Variants in FHIT observed in about 807,000 individuals in gnomAD.
FHIT encodes the protein bis(5'-adenosyl)-triphosphatase.
Under a neutral mutation model 17.9 loss-of-function variants are expected in FHIT, and 19 were observed. That is an observed-to-expected ratio of 1.06 (90% confidence interval 0.74 to 1.56). FHIT has a LOEUF of 1.56. Ranked by LOEUF, FHIT falls within the 40% of genes most tolerant of loss-of-function variation. FHIT has a pLI of 0.00. For synonymous variants in FHIT, 81 were observed against 69.7 expected, an observed-to-expected ratio of 1.16 and a Z score of -0.81; for missense variants, 248 against 189.2, an observed-to-expected ratio of 1.31 and a Z score of -1.82.
chr3:60,577,517 G>A lies in FHIT; in HGVS notation c.-17-40538C>T, dbSNP rs114988111. Among the ~76,000 whole-genome samples the A allele has an allele frequency of 5.4e-3, 821 of 152,264 alleles. 2 individuals carry two copies. Among genetic ancestry groups the A allele is most frequent in the Non-Finnish European group, 8.5e-3 (580 of 68,006 alleles). On this transcript the variant is annotated intron_variant, in intron 4 of 9. Transcript: ENST00000492590. ...TGGTAATAGACCTCTTAACGAAAAC[G>A]TAGTCAATGGTTCATTTAATTTGAT...
chr3:59,820,475 T>C (rs1700749435), intron 8 of FHIT, among the ~76,000 whole-genome samples: 1 of 152,158 alleles, frequency 6.6e-6, no homozygotes, highest in Non-Finnish European at 1.5e-5. Context: ...GATGTGTAGG[T>C]GAGAAAAATG....
chr3:60,723,632 C>A (rs949565165), intron 4 of FHIT, among the ~76,000 whole-genome samples: 1 of 152,208 alleles, frequency 6.6e-6, no homozygotes, highest in East Asian at 1.9e-4. Flanking sequence ...GACTCTTGGA[C>A]GCTTACTCCT....
chr3:60,736,252 G>A lies in FHIT; in HGVS notation c.-18+85667C>T, dbSNP rs942473112. The stretch of plus-strand genomic sequence containing the variant: ...GCAGTTCCTTAAAAAGTTAAACATA[G>A]AGTTACCGTGTGACCCAGCAAGTCT... On this transcript the variant is annotated intron_variant, in intron 4 of 9. Coordinates refer to ENST00000492590, the MANE Select transcript of FHIT (RefSeq NM_002012.4). 3.9e-5 allele frequency among the ~76,000 whole-genome samples: 6 copies of A among 152,164 alleles called. No homozygotes were observed. The South Asian group carries it at 1.0e-3, about 26-fold the overall frequency.
intron 8 of FHIT, among the ~76,000 whole-genome samples, chr3:59,773,781 C>T (rs1442513679): frequency 6.6e-6 from 1 of 152,050 alleles, no homozygotes; most frequent in Non-Finnish European, 1.5e-5. Flanking sequence ...CCAAATGATT[C>T]CTCAATACTT....
intron 5 of FHIT, among the ~76,000 whole-genome samples, chr3:60,150,961 T>G (rs1019763124): frequency 6.6e-6 from 1 of 151,802 alleles, no homozygotes; most frequent in African/African-American, 2.4e-5. Flanking sequence ...CAGCATGAAC[T>G]GAAATTTACT....
chr3:60,229,343 G>A (rs1015962544), intron 5 of FHIT, among the ~76,000 whole-genome samples: 15 of 151,930 alleles, frequency 9.9e-5, no homozygotes, highest in African/African-American at 3.6e-4. Context: ...CTTGAACCAG[G>A]GAGGCGGAGG....
chr3:59,929,530 C>T (rs943658880), intron 7 of FHIT, among the ~76,000 whole-genome samples: 19 of 151,816 alleles, frequency 1.3e-4, no homozygotes, highest in African/African-American at 4.3e-4. Flanking sequence ...GCCACTATGC[C>T]CGGCTAATTT....
intron 5 of FHIT, among the ~76,000 whole-genome samples, chr3:60,193,438 A>T (rs1040304521): frequency 6.6e-6 from 1 of 152,208 alleles, no homozygotes; most frequent in African/African-American, 2.4e-5. Context: ...GCAAAGTGAT[A>T]ATGAATTTCT....
intron 4 of FHIT, among the ~76,000 whole-genome samples, chr3:60,552,022 C>T (rs241666): frequency 0.95 from 144,424 of 152,144 alleles, 68,619 homozygotes; most frequent in East Asian, 1. Flanking sequence ...CTGGCAACTA[C>T]TATTCTACTT....
chr3:60,026,541 T>C (rs912502738), intron 5 of FHIT, among the ~76,000 whole-genome samples: 2 of 152,162 alleles, frequency 1.3e-5, no homozygotes, highest in East Asian at 1.9e-4. Flanking sequence ...TATTTCCCCC[T>C]CATAATGTAA....
chr3:59,961,077 C>T (rs1432357052), intron 7 of FHIT, among the ~76,000 whole-genome samples: 1 of 152,090 alleles, frequency 6.6e-6, no homozygotes, highest in East Asian at 1.9e-4. Context: ...GAATTTGAGG[C>T]CTAAAGAATT....
chr3:59,969,726 T>C (rs553737327), intron 7 of FHIT, among the ~76,000 whole-genome samples: 1 of 152,244 alleles, frequency 6.6e-6, no homozygotes, highest in Non-Finnish European at 1.5e-5. Flanking sequence ...ATGGTGCCTA[T>C]AAGGTGACTT....
intron 3 of FHIT, among the ~76,000 whole-genome samples, chr3:60,978,871 G>C (rs1038662583): frequency 2.0e-5 from 3 of 152,122 alleles, no homozygotes; most frequent in Admixed American, 6.5e-5. Context: ...CTCTTCCTTA[G>C]ATCTACAGCT....
chr3:60,927,590 C>G (rs1215599798), intron 3 of FHIT, among the ~76,000 whole-genome samples: 1 of 151,076 alleles, frequency 6.6e-6, no homozygotes, highest in African/African-American at 2.4e-5. Flanking sequence ...GCGCCTCTGC[C>G]CGGCCGCCCC....
intron 2 of FHIT, among the ~76,000 whole-genome samples, chr3:61,161,895 T>C (rs78845048): frequency 0.015 from 2,315 of 152,320 alleles, 49 homozygotes; most frequent in African/African-American, 0.053. Flanking sequence ...CCTTGTACAA[T>C]ACGACCCTGA....
chr3:61,240,586 G>A (rs6799513), intron 1 of FHIT, among the ~76,000 whole-genome samples: 37,031 of 152,006 alleles, frequency 0.24, 6,859 homozygotes, highest in African/African-American at 0.52. Context: ...AGGTATTATG[G>A]GCAAATAGAT....
chr3:61,230,989 A>G (rs28670997), intron 1 of FHIT, among the ~76,000 whole-genome samples: 14,873 of 152,272 alleles, frequency 0.098, 770 homozygotes, highest in Admixed American at 0.12. Context: ...GAATTTAAAA[A>G]TACTCACTGG....
At chr3:59,836,865 G>T (rs1043966030) in intron 8 of FHIT, among the ~76,000 whole-genome samples, 10 of 152,126 alleles carry the variant, frequency 6.6e-5, no homozygotes, top group Non-Finnish European at 1.5e-4. Flanking sequence ...ACTAAATGAG[G>T]CCCCTGCAAA....
chr3:60,101,928 G>A (rs1704206888), intron 5 of FHIT, among the ~76,000 whole-genome samples: 1 of 152,178 alleles, frequency 6.6e-6, no homozygotes, highest in Admixed American at 6.5e-5. Flanking sequence ...TCGCTAGGAT[G>A]TCTTTCTTCC....
Sources: gnomAD v4.1 joint callset for allele counts (sites outside exome capture counted in the v4.1 genomes callset) on GRCh38, gnomAD v4.1.1 for gene constraint, MANE v1.5 for transcripts, NCBI Gene and HGNC (gene_info 2026-07-23, HGNC 2026-07-21) for gene names.